The following PTPRD variants were observed in gnomAD, a reference collection of about 807,000 sequenced individuals.
PTPRD encodes protein tyrosine phosphatase receptor type D, also known as receptor-type tyrosine-protein phosphatase delta.
A neutral mutation model predicts 214.5 loss-of-function variants in PTPRD; 34 were observed. That is an observed-to-expected ratio of 0.16 (90% CI 0.12 to 0.21). PTPRD has a LOEUF of 0.21. Ranked by LOEUF, PTPRD falls within the 10% of genes least tolerant of loss-of-function variation. The pLI, the probability that PTPRD is intolerant of heterozygous loss-of-function variation, is 1.00. For synonymous variants in PTPRD, 1,128 were observed against 845.7 expected (o/e 1.33, Z -5.79); for missense variants, 2,545 against 2,398.7 (o/e 1.06, Z -1.27).
rs1302456591 is a variant in PTPRD, at chr9:8,486,367, G to C, written c.2468-18C>G. 1 of 1,602,950 alleles carries C rather than the reference G, an allele frequency of 6.2e-7. No individual in the cohort carries two copies. Among genetic ancestry groups the C allele is most frequent in the African/African-American group, 1.3e-5 (1 of 74,668 alleles). ...CCCTGGAACTGGAGCACATGGGATGGAGTGGTAAGACCAACCAATCTGAAC... is the reference window on the plus strand; with the variant it reads ...CCCTGGAACTGGAGCACATGGGATGCAGTGGTAAGACCAACCAATCTGAAC... On this transcript the variant is annotated intron_variant, in intron 27 of 45. Transcript: ENST00000381196.
chr9:9,302,489 C>G (rs945306735), intron 9 of PTPRD, among the ~76,000 whole-genome samples: 3 of 36,754 alleles, frequency 8.2e-5, no homozygotes, highest in African/African-American at 6.8e-4. Context: ...CAGATAAGGC[C>G]CATGTAACTT....
chr9:9,039,761 G>A (rs529533196), intron 10 of PTPRD, among the ~76,000 whole-genome samples: 2 of 152,258 alleles, frequency 1.3e-5, no homozygotes, highest in African/African-American at 2.4e-5. Flanking sequence ...ATTTTGTACT[G>A]GGAAAGTAAG....
chr9:8,640,853 A>AC (rs1206310218), intron 12 of PTPRD, among the ~76,000 whole-genome samples: 5 of 133,520 alleles, frequency 3.7e-5, no homozygotes, highest in African/African-American at 2.0e-4. Context: ...GACTCAAGAT[A>AC]ATATAGTAAA....
At chr9:9,813,947 T>G (rs1386926050) in intron 5 of PTPRD, among the ~76,000 whole-genome samples, 2 of 152,146 alleles carry the variant, frequency 1.3e-5, no homozygotes, top group Non-Finnish European at 2.9e-5. Flanking sequence ...AATGGGTCAT[T>G]CACCATAATC....
chr9:10,008,722 C>G (rs939023754), intron 4 of PTPRD, among the ~76,000 whole-genome samples: 32 of 151,896 alleles, frequency 2.1e-4, no homozygotes, highest in African/African-American at 7.7e-4. Flanking sequence ...TAGGCTGTAA[C>G]CTGGTATTAG....
chr9:9,979,075 T>A (rs918338750), intron 4 of PTPRD, among the ~76,000 whole-genome samples: 3 of 151,988 alleles, frequency 2.0e-5, no homozygotes, highest in African/African-American at 7.2e-5. Flanking sequence ...AAAATAGTTT[T>A]CAGACAAAAC....
At chr9:8,595,318 T>C (rs1249306593) in intron 14 of PTPRD, among the ~76,000 whole-genome samples, 1 of 152,028 alleles carries the variant, frequency 6.6e-6, no homozygotes, top group East Asian at 1.9e-4. Context: ...ACAAGAAGGA[T>C]CAGCCAGGTG....
intron 3 of PTPRD, among the ~76,000 whole-genome samples, chr9:10,320,425 G>C (rs2096532772): frequency 1.3e-5 from 2 of 151,942 alleles, no homozygotes; most frequent in Admixed American, 1.3e-4. Context: ...CTCCTAAAAA[G>C]GTAGAATAAA....
At chr9:8,784,935 GTCAAATTTTCT>G (rs1236145435) in intron 11 of PTPRD, among the ~76,000 whole-genome samples, 1 of 152,168 alleles carries the variant, frequency 6.6e-6, no homozygotes, top group Admixed American at 6.5e-5. Context: ...CCATGATAAG[GTCAAATTTTCT>G]TCAAGTTTCA....
At chr9:8,549,319 G>C (rs1258861465) in intron 14 of PTPRD, among the ~76,000 whole-genome samples, 1 of 152,118 alleles carries the variant, frequency 6.6e-6, no homozygotes, top group African/African-American at 2.4e-5. Context: ...GTGAATGATG[G>C]TAGGTCAGCA....
At chr9:8,823,710 C>T (rs922814650) in intron 11 of PTPRD, among the ~76,000 whole-genome samples, 1 of 151,782 alleles carries the variant, frequency 6.6e-6, no homozygotes, top group African/African-American at 2.4e-5. Context: ...AAAGGAAAGG[C>T]GGAAGGAAGG....
intron 3 of PTPRD, among the ~76,000 whole-genome samples, chr9:10,065,191 G>GAAAGAAAGAAAGAAAGA (rs1555538041): frequency 7.9e-5 from 12 of 151,268 alleles, no homozygotes; most frequent in East Asian, 5.9e-4. Context: ...AAGAAAGAAA[G>GAAAGAAAGAAAGAAAGA]AAAAGGATGC....
chr9:9,622,109 A>T (rs2095263603), intron 7 of PTPRD, among the ~76,000 whole-genome samples: 1 of 152,226 alleles, frequency 6.6e-6, no homozygotes, highest in Non-Finnish European at 1.5e-5. Context: ...TTAGGGAACA[A>T]GAATAATTTG....
At position 9,020,225 on chromosome 9, in the gene PTPRD, T is replaced by A. The variant is rs571931828; in HGVS notation, c.-142-1490A>T. Among the ~76,000 whole-genome samples the A allele has an allele frequency of 7.4e-4, 112 of 152,278 alleles. No individual in the cohort carries two copies. The South Asian group carries it at 0.023, about 31-fold the overall frequency. On this transcript the variant is annotated intron_variant, in intron 10 of 45. Transcript: ENST00000381196. Reference sequence around the variant, plus strand: ...TGATAATTATACCTTAATAAAGCTCTAAAAAAGTGGAAGGATGTGAAATAT... The same window carrying A: ...TGATAATTATACCTTAATAAAGCTCAAAAAAAGTGGAAGGATGTGAAATAT...
intron 12 of PTPRD, among the ~76,000 whole-genome samples, chr9:8,703,733 C>T (rs1434262): frequency 0.39 from 58,614 of 152,002 alleles, 11,473 homozygotes; most frequent in East Asian, 0.51. Context: ...GTGGCTCTGT[C>T]ACCATTTATA....
intron 11 of PTPRD, among the ~76,000 whole-genome samples, chr9:8,805,766 C>T (rs912746162): frequency 4.0e-5 from 6 of 151,190 alleles, no homozygotes; most frequent in East Asian, 2.0e-4. Flanking sequence ...GGCACTGAGG[C>T]GGACGGATCA....
At chr9:9,816,745 T>C (rs1438673745) in intron 5 of PTPRD, among the ~76,000 whole-genome samples, 1 of 151,960 alleles carries the variant, frequency 6.6e-6, no homozygotes, top group East Asian at 1.9e-4. Flanking sequence ...ACCACTATCA[T>C]CAATAAAAGT....
intron 9 of PTPRD, among the ~76,000 whole-genome samples, chr9:9,283,916 G>A (rs556421531): frequency 4.6e-5 from 7 of 151,388 alleles, no homozygotes; most frequent in African/African-American, 4.8e-5. Flanking sequence ...TTATAATTTC[G>A]TTCACTATAT....
chr9:9,892,646 G>C (rs1435589030), intron 5 of PTPRD, among the ~76,000 whole-genome samples: 1 of 151,890 alleles, frequency 6.6e-6, no homozygotes, highest in African/African-American at 2.4e-5. Context: ...GTATTTTAAA[G>C]GATCCTAAAA....
Sources: allele counts gnomAD v4.1 joint callset (sites outside exome capture counted in the v4.1 genomes callset), GRCh38; gene constraint gnomAD v4.1.1; transcripts MANE v1.5; gene names NCBI Gene and HGNC (gene_info 2026-07-23, HGNC 2026-07-21).